Variants in RADIL observed in about 807,000 individuals in gnomAD.
RADIL encodes the protein ras-associating and dilute domain-containing protein.
A neutral mutation model predicts 97.6 loss-of-function variants in RADIL; 99 were observed. The ratio of observed to expected loss-of-function variants is 1.01; its 90% CI spans 0.86 to 1.20. RADIL has a LOEUF of 1.20. Ranked by LOEUF, RADIL falls within the 50% of genes most tolerant of loss-of-function variation. The pLI, the probability that RADIL is intolerant of heterozygous loss-of-function variation, is 0.00. For missense variants in RADIL, 1,765 were observed against 1,498.9 expected (o/e 1.18, Z -2.93); for synonymous variants, 803 against 691.8 (o/e 1.16, Z -2.52).
chr7:4,809,373 G>T, intron 9 of RADIL: 1 of 985,406 alleles, frequency 1.0e-6, no homozygotes, highest in African/African-American at 1.7e-5. Flanking sequence ...CCGCCCGGCT[G>T]AGCGGGGGGA....
intron 2 of RADIL, among the ~76,000 whole-genome samples, chr7:4,865,988 A>G (rs76603873): frequency 0.021 from 3,148 of 152,314 alleles, 115 homozygotes; most frequent in African/African-American, 0.07. Flanking sequence ...GTAGTAAACT[A>G]TACCATCTAG....
intron 2 of RADIL, among the ~76,000 whole-genome samples, chr7:4,855,040 C>G (rs1323251831): frequency 6.6e-6 from 1 of 152,218 alleles, no homozygotes; most frequent in Non-Finnish European, 1.5e-5. Flanking sequence ...TGGTATCACA[C>G]TGTGTGCATT....
chr7:4,836,450 G>T lies in RADIL; in HGVS notation c.691C>A (p.Gln231Lys). The change falls in exon 3 of 15, where the codon CAG (glutamine) becomes AAG (lysine). Residue 231 changes from glutamine (Q) to lysine (K), a missense_variant. By Grantham distance (53) the Gln-to-Lys change is moderately conservative. Coordinates refer to ENST00000399583, the MANE Select transcript of RADIL (RefSeq NM_018059.5). ...TCGGGGCCGGGCTCCTCGGGGCCCT[G>T]GGCGGCAGCGGGCAGGGCGTTCACT... ...SPVNALPAAA[Q>K]GPEEPGPDAM... is the part of the protein sequence containing the mutation. The T allele has an allele frequency of 1.2e-6, 2 of 1,600,432 alleles. No individual in the cohort carries two copies. The highest frequency in any genetic ancestry group is 2.3e-5 in the East Asian group (1 of 44,222).
rs554417819 is a variant in RADIL at position 4,861,991 on chromosome 7, A to T, written c.535+15614T>A. ...CTTCTCCTCCTTCCCCTCAGCCCCAACATGGCGCCAGACCCCTCAGCGGCT... is the reference window on the plus strand; with the variant it reads ...CTTCTCCTCCTTCCCCTCAGCCCCATCATGGCGCCAGACCCCTCAGCGGCT... On this transcript the variant is annotated intron_variant, in intron 2 of 14. Transcript: ENST00000399583. 8.9e-6 allele frequency: 4 copies of T among 448,464 alleles called. No individual in the cohort carries two copies. In the South Asian group the frequency reaches 3.5e-4, roughly 39 times the overall value. 27.8% of individuals were successfully genotyped at this position (448,464 alleles called of 1,614,324 possible). A position where few individuals can be genotyped will look rare whatever the true frequency, so the allele number is the denominator to read the frequency against.
chr7:4,870,564 C>T (rs1275624257), intron 2 of RADIL, among the ~76,000 whole-genome samples: 1 of 152,160 alleles, frequency 6.6e-6, no homozygotes, highest in Non-Finnish European at 1.5e-5. Context: ...GCCTCAGCCT[C>T]CCAAGTAGCT....
rs10261061 is a variant in RADIL at position 4,880,934 on chromosome 7, C to T, written c.-65+2662G>A. Among the ~76,000 whole-genome samples, 70,800 of 151,676 alleles carry T rather than the reference C, an allele frequency of 0.47. 19,077 individuals are homozygous for T. The highest frequency in any genetic ancestry group is 0.74 in the African/African-American group (30,734 of 41,330). ...CAACATAACAAGATCCCAATCTCTA[C>T]AGAAAATAAAAATAAAAAATTAGCT... On this transcript the variant is annotated intron_variant, in intron 1 of 14. Transcript: ENST00000399583. This position sits in a 1 kb window ranked among gnomAD's most constrained non-coding sequence, Gnocchi z 4.5.
rs1029655614 is a variant in RADIL at position 4,818,838 on chromosome 7, G to T, written c.1616-1487C>A. 2.0e-5 allele frequency among the ~76,000 whole-genome samples: 3 copies of T among 152,176 alleles called. No homozygotes were observed. Among genetic ancestry groups the T allele is most frequent in the Admixed American group, 2.0e-4 (3 of 15,284 alleles). On this transcript the variant is annotated intron_variant, in intron 6 of 14. Transcript: ENST00000399583. The surrounding 1 kb of genome is among the most constrained non-coding windows in gnomAD (Gnocchi z 7.1). ...GAAACGGGGCATGGGAATGACAGGA[G>T]AAGGTGGCAGGGACTGTGCTGAATG...
chr7:4,863,648 C>A (rs1023406573), intron 2 of RADIL, among the ~76,000 whole-genome samples: 5 of 152,218 alleles, frequency 3.3e-5, no homozygotes, highest in African/African-American at 1.2e-4. Context: ...TTTTAAGGAA[C>A]AGTCTTTAGT....
rs114283073 is a variant in RADIL at position 4,851,531 on chromosome 7, C to T, written c.536-14926G>A. ...CGAAGGCTCAGAAGGAAGCGAGGGG[C>T]ATGTTACTGGAAACTGGAGGAAGGA... is the stretch of plus-strand genomic sequence containing the variant. On this transcript the variant is annotated intron_variant, in intron 2 of 14. Coordinates refer to ENST00000399583, the MANE Select transcript of RADIL (RefSeq NM_018059.5). 5.4e-3 allele frequency among the ~76,000 whole-genome samples: 819 copies of T among 152,234 alleles called. 3 individuals are homozygous for T. The highest frequency in any genetic ancestry group is 0.019 in the African/African-American group (774 of 41,544).
rs921813904 is a variant in RADIL at position 4,879,422 on chromosome 7, G to A, written c.-64-1219C>T. 2.6e-5 allele frequency among the ~76,000 whole-genome samples: 4 copies of A among 152,198 alleles called. No homozygotes were observed. Among genetic ancestry groups the A allele is most frequent in the African/African-American group, 9.7e-5 (4 of 41,438 alleles). ...AGGCAGGAAAATACTGGAAAACTGCGCACACATCTCCCCATTACTGTACCC... is the reference window on the plus strand; with the variant it reads ...AGGCAGGAAAATACTGGAAAACTGCACACACATCTCCCCATTACTGTACCC... On this transcript the variant is annotated intron_variant, in intron 1 of 14. Coordinates refer to ENST00000399583, the MANE Select transcript of RADIL (RefSeq NM_018059.5). This position sits in a 1 kb window ranked among gnomAD's most constrained non-coding sequence, Gnocchi z 4.1.
At chr7:4,827,576 G>T (rs1353909577) in intron 5 of RADIL, among the ~76,000 whole-genome samples, 7 of 152,160 alleles carry the variant, frequency 4.6e-5, no homozygotes, top group Admixed American at 4.6e-4. Flanking sequence ...CAGGAGAATG[G>T]CGTGAACCCA....
rs186113175 is a variant in RADIL at position 4,814,167 on chromosome 7, T to C, written c.2139+1111A>G. 7.9e-5 allele frequency among the ~76,000 whole-genome samples: 12 copies of C among 152,346 alleles called. No homozygotes were observed. The East Asian group carries it at 2.3e-3, about 29-fold the overall frequency. On this transcript the variant is annotated intron_variant, in intron 9 of 14. Transcript: ENST00000399583. The surrounding 1 kb of genome is among the most constrained non-coding windows in gnomAD (Gnocchi z 4.5). ...CATTGCTTTTGCCTCCTCTAGATTT[T>C]ATCCTCATGGGTTTGTGGCATTAAA...
In RADIL at chr7:4,800,173, T is replaced by C; in HGVS notation, c.2980A>G (p.Met994Val). The C allele has an allele frequency of 1.2e-6, 2 of 1,606,636 alleles. No individual in the cohort carries two copies. Among genetic ancestry groups the C allele is most frequent in the Non-Finnish European group, 8.5e-7 (1 of 1,178,002 alleles). The stretch of plus-strand genomic sequence containing the variant: ...GGCGAGGGTCCTGGGCCACTCACCA[T>C]CCCGTCGATCAGGCCCATCCCCAGC... ...SGLGMGLIDG[M>V]HTHLGAPGLY... The change falls in exon 13 of 15, where the codon ATG (methionine) becomes GTG (valine). Residue 994 changes from methionine (M) to valine (V), a missense_variant and splice_region_variant. Transcript: ENST00000399583.
intron 9 of RADIL, chr7:4,809,076 C>G (rs1470933177): frequency 1.0e-6 from 1 of 983,564 alleles, no homozygotes; most frequent in Non-Finnish European, 1.2e-6. Flanking sequence ...TGCCCCTCCG[C>G]GTCTCCTGTA....
intron 2 of RADIL, chr7:4,861,750 AGCGATTCGGC>A: frequency 6.6e-7 from 1 of 1,504,996 alleles, no homozygotes; most frequent in Non-Finnish European, 8.9e-7. Flanking sequence ...GAGACGCCGT[AGCGATTCGGC>A]GGCGGCGCCG....
intron 2 of RADIL, among the ~76,000 whole-genome samples, chr7:4,869,295 G>C (rs1363636426): frequency 6.6e-6 from 1 of 152,072 alleles, no homozygotes; most frequent in Non-Finnish European, 1.5e-5. Context: ...ACCACACACA[G>C]CTAATTTTCA....
intron 2 of RADIL, 90 bp downstream of exon 2, chr7:4,877,515 G>A: frequency 7.0e-7 from 1 of 1,421,006 alleles, no homozygotes; most frequent in South Asian, 1.4e-5. Flanking sequence ...CCCCACGCAT[G>A]TCCCCTGCAC....
chr7:4,799,418 T>A lies in RADIL; in HGVS notation c.3188A>T (p.Glu1063Val), dbSNP rs758483387. The change falls in exon 15 of 15, where the codon GAA (glutamate) becomes GTA (valine). Residue 1063 changes from glutamate (E) to valine (V), a missense_variant. By Grantham distance (121) the Glu-to-Val change is moderately radical (BLOSUM62 -2). Coordinates refer to ENST00000399583, the MANE Select transcript of RADIL (RefSeq NM_018059.5). ...MRFLVAKSDVETAKKIHFRTP... is the reference protein window; with the variant it reads ...MRFLVAKSDVVTAKKIHFRTP... ...GCGGAAATGGATCTTCTTGGCTGTT[T>A]CCACGTCGGACTTCGCGACCAGGAA... 31 of 1,613,702 alleles carry A rather than the reference T, an allele frequency of 1.9e-5. No homozygotes were observed. The highest frequency in any genetic ancestry group is 2.4e-5 in the Non-Finnish European group (28 of 1,179,986).
rs760967273 is a variant in RADIL at position 4,834,957 on chromosome 7, T to C, written c.1066A>G (p.Lys356Glu). The change falls in exon 4 of 15, where the codon AAG becomes GAG. Residue 356 changes from lysine to glutamate, a missense_variant. By Grantham distance (56) the Lys-to-Glu change is moderately conservative. Transcript: ENST00000399583. This position sits in a 1 kb window ranked among gnomAD's most constrained non-coding sequence, Gnocchi z 6.0. ...SLGLYYLLLFKDPAQAQPLPA... is the reference protein window; with the variant it reads ...SLGLYYLLLFEDPAQAQPLPA... ...AGGGGCTGGGCCTGCGCGGGGTCCT[T>C]GAATAGCAGCAGGTAGTAGAGCCCC... 1 of 1,607,528 alleles carries C rather than the reference T, an allele frequency of 6.2e-7. No individual in the cohort carries two copies. Among genetic ancestry groups the C allele is most frequent in the Non-Finnish European group, 8.5e-7 (1 of 1,177,530 alleles).
Sources: allele counts gnomAD v4.1 joint callset (sites outside exome capture counted in the v4.1 genomes callset), GRCh38; gene constraint gnomAD v4.1.1; non-coding constraint Gnocchi (gnomAD v3.1); transcripts MANE v1.5; gene names NCBI Gene and HGNC (gene_info 2026-07-23, HGNC 2026-07-21).